P2RY6: variants seen among roughly 807,000 people sequenced by gnomAD.
P2RY6 encodes P2Y purinoceptor 6.
In P2RY6, 19 loss-of-function variants were observed where a neutral mutation model predicts 16.3. That is an observed-to-expected ratio of 1.16 (90% confidence interval 0.81 to 1.71). The LOEUF (loss-of-function observed/expected upper bound fraction) is 1.71. P2RY6 is among the 40% of genes most tolerant of loss of function. The pLI, the probability that P2RY6 is intolerant of heterozygous loss-of-function variation, is 0.00. For missense variants in P2RY6, 389 were observed against 455.5 expected (o/e 0.85, Z 1.33); for synonymous variants, 184 against 201.5 (o/e 0.91, Z 0.74).
chr11:73,272,452 CT>C lies in P2RY6; in HGVS notation c.-133del. ...CACTTCACGGACTGCAAGCGAGGCA[CT>C]TGCTAACTCTTGGGTGAGTTTTCTG... On this transcript the variant is annotated 5_prime_UTR_variant, in exon 1 of 3. Transcript: ENST00000540124. 1.0e-6 allele frequency: 1 copy of C among 985,538 alleles called. No individual in the cohort carries two copies. The highest frequency in any genetic ancestry group is 1.2e-6 in the Non-Finnish European group (1 of 829,978). 61.0% of individuals were successfully genotyped at this position (985,538 alleles called of 1,614,324 possible).
At position 73,290,985 on chromosome 11, in the gene P2RY6, C is replaced by T. The variant is rs758951314; in HGVS notation, c.-120-4745C>T. Among the ~76,000 whole-genome samples, 38 of 152,276 alleles carry T rather than the reference C, an allele frequency of 2.5e-4. 1 individual carries two copies. Among genetic ancestry groups the T allele is most frequent in the African/African-American group, 7.9e-4 (33 of 41,558 alleles). On this transcript the variant is annotated intron_variant, in intron 1 of 2. Coordinates refer to ENST00000540124, the MANE Select transcript of P2RY6 (RefSeq NM_001277204.2). ...TTAGGAAGGCAAAGAACTAAAAGGC[C>T]GGTGGGTAATGGGTACTCAGTGGTT...
In P2RY6 at chr11:73,272,349, A is replaced by G; in HGVS notation, c.-238A>G. The G allele has an allele frequency of 1.0e-6, 1 of 985,534 alleles. No individual in the cohort carries two copies. Among genetic ancestry groups the G allele is most frequent in the Middle Eastern group, 5.2e-4 (1 of 1,914 alleles). The allele number at this position is 985,534 out of a possible 1,614,324, so 61.0% of individuals were successfully genotyped here. ...TCTGCTGCCTCTCCAGACTTCTGCCAGAACATTGCACGCGACAGTTTCAGG... is the reference window on the plus strand; with the variant it reads ...TCTGCTGCCTCTCCAGACTTCTGCCGGAACATTGCACGCGACAGTTTCAGG... On this transcript the variant is annotated 5_prime_UTR_variant, in exon 1 of 3. Coordinates refer to ENST00000540124, the MANE Select transcript of P2RY6 (RefSeq NM_001277204.2).
intron 1 of P2RY6, among the ~76,000 whole-genome samples, chr11:73,285,751 T>C (rs1863946924): frequency 6.6e-6 from 1 of 152,164 alleles, no homozygotes; most frequent in Non-Finnish European, 1.5e-5. Flanking sequence ...GTCTTCAGGT[T>C]TGAAAACAGC....
chr11:73,282,229 A>G (rs1863794059), intron 1 of P2RY6, among the ~76,000 whole-genome samples: 1 of 152,142 alleles, frequency 6.6e-6, no homozygotes. Flanking sequence ...ACCCCATTTG[A>G]GGCTCTATTT....
chr11:73,269,677 T>A (rs575718397), upstream of P2RY6, among the ~76,000 whole-genome samples: 1 of 152,288 alleles, frequency 6.6e-6, no homozygotes, highest in African/African-American at 2.4e-5. Context: ...TGTGAATGCA[T>A]GCGCATCTTC....
intron 1 of P2RY6, among the ~76,000 whole-genome samples, chr11:73,266,770 G>A (rs972377174): frequency 6.6e-6 from 1 of 152,092 alleles, no homozygotes; most frequent in African/African-American, 2.4e-5. Context: ...TGCCATGATG[G>A]GCCAGTGCAA....
intron 1 of P2RY6, among the ~76,000 whole-genome samples, chr11:73,287,826 G>T (rs1268628838): frequency 1.3e-5 from 2 of 152,220 alleles, no homozygotes; most frequent in East Asian, 1.9e-4. Flanking sequence ...AGGCCCTGGG[G>T]ATCTCCTGGA....
intron 1 of P2RY6, chr11:73,292,722 G>C: frequency 2.4e-6 from 2 of 842,240 alleles, no homozygotes; most frequent in Non-Finnish European, 2.9e-6. Context: ...GTGGTGTTGG[G>C]GATGGCAGGG....
chr11:73,268,466 A>G (rs1863177862), upstream of P2RY6, among the ~76,000 whole-genome samples: 3 of 152,220 alleles, frequency 2.0e-5, no homozygotes, highest in South Asian at 2.1e-4. Context: ...TCTACAAAAA[A>G]AAATACAAAT....
chr11:73,267,867 C>A (rs1459984656), upstream of P2RY6, among the ~76,000 whole-genome samples: 2 of 152,186 alleles, frequency 1.3e-5, no homozygotes, highest in Non-Finnish European at 2.9e-5. Context: ...CTTGGGGAAA[C>A]CTGTTAGCTT....
rs765196072 is a variant in P2RY6, at chr11:73,297,498, G to A, written c.980G>A (p.Gly327Asp). The A allele has an allele frequency of 4.4e-6, 7 of 1,605,646 alleles. 1 individual carries two copies. The highest frequency in any genetic ancestry group is 3.3e-5 in the South Asian group (3 of 90,956). Residue 327 changes from glycine to aspartate, a missense_variant, in exon 3 of 3, where the codon GGT becomes GAT. Physicochemically the swap from Gly to Asp is moderately conservative, Grantham distance 94. Transcript: ENST00000540124. ...QKLTAKWQRQ[G>D]R is the part of the protein sequence containing the mutation. ...CTCACAGCCAAATGGCAGAGGCAGG[G>A]TCGCTGAGTCCTCCAGGTCCTGGGC...
chr11:73,282,339 G>A (rs565549231), intron 1 of P2RY6, among the ~76,000 whole-genome samples: 90 of 152,298 alleles, frequency 5.9e-4, no homozygotes, highest in African/African-American at 2.1e-3. Context: ...TTTAGAAAGG[G>A]ATCTCCCAAT....
At chr11:73,282,308 T>G (rs1410992226) in intron 1 of P2RY6, among the ~76,000 whole-genome samples, 4 of 152,190 alleles carry the variant, frequency 2.6e-5, no homozygotes, top group African/African-American at 7.2e-5. Flanking sequence ...AGTCTCAAAT[T>G]TGATCATGCC....
chr11:73,285,542 C>T (rs926912978), intron 1 of P2RY6, among the ~76,000 whole-genome samples: 23 of 152,226 alleles, frequency 1.5e-4, no homozygotes, highest in Non-Finnish European at 2.1e-4. Context: ...TGGCCACAAA[C>T]AGGCCAGTTT....
chr11:73,267,603 G>A (rs778422596), upstream of P2RY6, among the ~76,000 whole-genome samples: 4 of 152,160 alleles, frequency 2.6e-5, no homozygotes, highest in African/African-American at 4.8e-5. Flanking sequence ...AGACTCCTGT[G>A]GAGCCAGCAG....
chr11:73,267,132 A>G (rs1365283026), intron 1 of P2RY6, among the ~76,000 whole-genome samples: 3 of 152,194 alleles, frequency 2.0e-5, no homozygotes, highest in African/African-American at 7.2e-5. Context: ...AAGCTGTAAC[A>G]TTCCCCAATT....
At chr11:73,294,342 C>T (rs1284374860) in intron 1 of P2RY6, among the ~76,000 whole-genome samples, 2 of 152,210 alleles carry the variant, frequency 1.3e-5, no homozygotes, top group Non-Finnish European at 2.9e-5. Context: ...ATACACTATG[C>T]CCTCATGTAT....
At chr11:73,282,106 C>G (rs1028640073) in intron 1 of P2RY6, among the ~76,000 whole-genome samples, 2 of 152,204 alleles carry the variant, frequency 1.3e-5, no homozygotes, top group Admixed American at 6.5e-5. Context: ...TTCCACTACT[C>G]TGGCTGTCAG....
At chr11:73,284,321 G>A (rs1863878923) in intron 1 of P2RY6, among the ~76,000 whole-genome samples, 1 of 152,162 alleles carries the variant, frequency 6.6e-6, no homozygotes, top group South Asian at 2.1e-4. Context: ...GTGTTCATGG[G>A]AATCCTGGGT....
Sources: gnomAD v4.1 joint callset for allele counts (sites outside exome capture counted in the v4.1 genomes callset) on GRCh38, gnomAD v4.1.1 for gene constraint, MANE v1.5 for transcripts, NCBI Gene and HGNC (gene_info 2026-07-23, HGNC 2026-07-21) for gene names.